AGBL4: variants seen among roughly 807,000 people sequenced by gnomAD.
AGBL4 encodes AGBL carboxypeptidase 4.
AGBL4 carries 58 observed loss-of-function variants against 66.4 expected under a neutral mutation model. That is an observed-to-expected ratio of 0.87 (90% CI 0.71 to 1.09). AGBL4 has a LOEUF of 1.09. Ranked by LOEUF, AGBL4 falls within the 50% of genes least tolerant of loss-of-function variation. AGBL4 has a pLI of 0.00. For missense variants in AGBL4, 579 were observed against 631.0 expected (o/e 0.92, Z 0.88); for synonymous variants, 234 against 222.9 (o/e 1.05, Z -0.44).
chr1:49,615,924 T>C (rs1444051980), intron 3 of AGBL4, among the ~76,000 whole-genome samples: 1 of 152,108 alleles, frequency 6.6e-6, no homozygotes, highest in Non-Finnish European at 1.5e-5. Flanking sequence ...TCCCACTATT[T>C]AGCTGGGCAC....
intron 6 of AGBL4, among the ~76,000 whole-genome samples, chr1:48,755,882 T>C (rs1570531303): frequency 6.6e-6 from 1 of 152,192 alleles, no homozygotes; most frequent in East Asian, 1.9e-4. Context: ...ACTGATTGAA[T>C]AAACAAATGA....
chr1:48,612,377 G>A (rs1404365277), intron 9 of AGBL4, among the ~76,000 whole-genome samples: 2 of 152,198 alleles, frequency 1.3e-5, no homozygotes, highest in African/African-American at 4.8e-5. Flanking sequence ...ACCAGCACAA[G>A]GGGTTGGAAA....
chr1:49,872,001 T>C (rs1014397074), intron 1 of AGBL4, among the ~76,000 whole-genome samples: 5 of 152,086 alleles, frequency 3.3e-5, no homozygotes, highest in African/African-American at 1.2e-4. Flanking sequence ...TCCAGGATTC[T>C]CATGAAGAGC....
intron 1 of AGBL4, among the ~76,000 whole-genome samples, chr1:50,022,647 C>T (rs978999856): frequency 2.6e-5 from 4 of 151,234 alleles, no homozygotes; most frequent in Admixed American, 1.3e-4. Flanking sequence ...CACACACACA[C>T]ACACACACAC....
intron 3 of AGBL4, among the ~76,000 whole-genome samples, chr1:49,454,235 C>A (rs1203634037): frequency 1.3e-5 from 2 of 151,706 alleles, no homozygotes; most frequent in Admixed American, 1.3e-4. Flanking sequence ...AGATGGCAAA[C>A]AGAAACAAAA....
chr1:49,169,065 T>A (rs1646684843), intron 4 of AGBL4, among the ~76,000 whole-genome samples: 1 of 152,174 alleles, frequency 6.6e-6, no homozygotes, highest in Admixed American at 6.5e-5. Flanking sequence ...TCCCTTTTTG[T>A]CTCACTCTTG....
intron 3 of AGBL4, among the ~76,000 whole-genome samples, chr1:49,611,028 C>G (rs990996882): frequency 6.6e-6 from 1 of 152,196 alleles, no homozygotes; most frequent in African/African-American, 2.4e-5. Flanking sequence ...AAGCTGTTAT[C>G]TTTCTCCAAT....
rs1049689800 is a variant in AGBL4, at chr1:48,846,413, G to GAAAT, written c.634+20777_634+20778insATTT. On this transcript the variant is annotated intron_variant, in intron 6 of 13. Coordinates refer to ENST00000371839, the MANE Select transcript of AGBL4 (RefSeq NM_032785.4). ...AGAAAGAAAGAAAGAAAGAAAGAAA[G>GAAAT]AAAGAAAGAAATTCATTTATAGTAG... is the stretch of plus-strand genomic sequence containing the variant. Among the ~76,000 whole-genome samples the GAAAT allele has an allele frequency of 1.7e-3, 248 of 145,096 alleles. 3 individuals are homozygous for GAAAT. The highest frequency in any genetic ancestry group is 6.9e-3 in the Middle Eastern group (2 of 288).
chr1:49,350,204 G>GT (rs1379677990), intron 3 of AGBL4, among the ~76,000 whole-genome samples: 8 of 145,646 alleles, frequency 5.5e-5, no homozygotes, highest in Admixed American at 2.0e-4. Context: ...TTTTTGTTTT[G>GT]TTTTGTTTTT....
chr1:49,083,571 GC>G (rs940734253), intron 4 of AGBL4, among the ~76,000 whole-genome samples: 6 of 152,190 alleles, frequency 3.9e-5, no homozygotes, highest in Non-Finnish European at 4.4e-5. Flanking sequence ...AGAGCGGGGG[GC>G]CCTGGGCCCA....
intron 9 of AGBL4, among the ~76,000 whole-genome samples, chr1:48,624,399 A>C (rs1174004694): frequency 6.6e-6 from 1 of 152,164 alleles, no homozygotes. Flanking sequence ...TAAGTGTTGG[A>C]CTCTGCCAGG....
chr1:49,057,064 T>G (rs1644321155), intron 4 of AGBL4, among the ~76,000 whole-genome samples: 1 of 152,164 alleles, frequency 6.6e-6, no homozygotes, highest in Admixed American at 6.5e-5. Context: ...GCTTCCTTTT[T>G]CCTACTCTTC....
intron 5 of AGBL4, among the ~76,000 whole-genome samples, chr1:49,013,320 C>T (rs565550899): frequency 4.6e-5 from 7 of 152,292 alleles, no homozygotes; most frequent in Admixed American, 1.3e-4. Context: ...CTTCTTTACA[C>T]ATCATGGGTT....
chr1:49,583,743 T>G (rs988116537), intron 3 of AGBL4, among the ~76,000 whole-genome samples: 1 of 152,014 alleles, frequency 6.6e-6, no homozygotes, highest in African/African-American at 2.4e-5. Flanking sequence ...AACAGTAAAT[T>G]TTTCCTATTT....
chr1:49,354,579 C>A (rs931694597), intron 3 of AGBL4, among the ~76,000 whole-genome samples: 4 of 152,158 alleles, frequency 2.6e-5, no homozygotes, highest in African/African-American at 9.7e-5. Context: ...ATTTAAATAT[C>A]ATCTCCATGC....
chr1:48,676,179 C>T (rs1646361916), intron 6 of AGBL4, among the ~76,000 whole-genome samples: 1 of 152,260 alleles, frequency 6.6e-6, no homozygotes, highest in South Asian at 2.1e-4. Context: ...GTATAAATCA[C>T]AGTGCTCCAC....
At chr1:49,951,466 C>G (rs145343239) in intron 1 of AGBL4, among the ~76,000 whole-genome samples, 2 of 151,940 alleles carry the variant, frequency 1.3e-5, no homozygotes, top group African/African-American at 4.8e-5. Flanking sequence ...ACAGAAAACA[C>G]TTGGCAAGGA....
At chr1:49,376,128 T>G (rs1644467002) in intron 3 of AGBL4, among the ~76,000 whole-genome samples, 1 of 152,144 alleles carries the variant, frequency 6.6e-6, no homozygotes, top group Non-Finnish European at 1.5e-5. Flanking sequence ...CCATTCTTGC[T>G]GCAAACTCTA....
intron 3 of AGBL4, among the ~76,000 whole-genome samples, chr1:49,579,326 T>G (rs959907477): frequency 6.6e-6 from 1 of 152,220 alleles, no homozygotes; most frequent in African/African-American, 2.4e-5. Flanking sequence ...TAAATTTCCA[T>G]GTATTTGTAT....
Sources: allele counts gnomAD v4.1 joint callset (sites outside exome capture counted in the v4.1 genomes callset), GRCh38; gene constraint gnomAD v4.1.1; transcripts MANE v1.5; gene names NCBI Gene and HGNC (gene_info 2026-07-23, HGNC 2026-07-21).